Variants in MORC4 observed in about 807,000 individuals in gnomAD.
The protein encoded by MORC4 is MORC family CW-type zinc finger protein 4.
In MORC4, 22 loss-of-function variants were observed where a neutral mutation model predicts 65.5. The ratio of observed to expected loss-of-function variants is 0.34; its 90% CI spans 0.24 to 0.48. MORC4 has a LOEUF of 0.48. Among genes scored for constraint, MORC4 ranks in the 20% least tolerant of loss-of-function variants. The pLI is 0.99. For synonymous variants in MORC4, 267 were observed against 255.8 expected (o/e 1.04, Z -0.42); for missense variants, 624 against 703.0 (o/e 0.89, Z 1.27).
chrX:106,981,061 T>C (rs1454751843), intron 6 of MORC4, 42 bp from the exon 7 acceptor site: 1 of 1,187,949 alleles, frequency 8.4e-7, no homozygotes, highest in East Asian at 3.0e-5. Flanking sequence ...TATGTGATAT[T>C]GCCAATTCTG....
intron 14 of MORC4, among the ~76,000 whole-genome samples, chrX:106,947,571 T>TTATATATATATATATATATATATAATA (rs764069844): frequency 1.3e-5 from 1 of 77,956 alleles, no homozygotes; most frequent in African/African-American, 5.2e-5. Context: ...TATATATATA[T>TTATATATATATATATATATATATAATA]TATATATATA....
intron 9 of MORC4, among the ~76,000 whole-genome samples, chrX:106,972,987 A>G (rs1464914636): frequency 8.9e-6 from 1 of 112,467 alleles, no homozygotes; most frequent in East Asian, 2.8e-4. Flanking sequence ...AAAGGGATGG[A>G]GAGAATCCTG....
chrX:106,970,128 C>T (rs1419621873), intron 9 of MORC4, among the ~76,000 whole-genome samples: 4 of 111,954 alleles, frequency 3.6e-5, no homozygotes. Flanking sequence ...GCTTATCCTC[C>T]ACAATCAAGT....
At chrX:106,988,259 T>C (rs1934912342) in intron 3 of MORC4, among the ~76,000 whole-genome samples, 1 of 111,744 alleles carries the variant, frequency 8.9e-6, no homozygotes, top group Non-Finnish European at 1.9e-5. Context: ...AATTAGGTGA[T>C]CAAGGGAAAG....
At chrX:106,950,583 G>T (rs754247662) in intron 14 of MORC4, among the ~76,000 whole-genome samples, 1 of 112,198 alleles carries the variant, frequency 8.9e-6, no homozygotes, top group Non-Finnish European at 1.9e-5. Flanking sequence ...GGAACAATAG[G>T]GGCATGGTAT....
chrX:106,964,785 G>A (rs186945571), intron 9 of MORC4, among the ~76,000 whole-genome samples: 113 of 111,992 alleles, frequency 1.0e-3, no homozygotes, highest in African/African-American at 3.6e-3. Flanking sequence ...TGAGGCAGGT[G>A]GATCACCTGA....
At chrX:106,997,569 C>T (rs1935103935) in intron 2 of MORC4, among the ~76,000 whole-genome samples, 1 of 112,151 alleles carries the variant, frequency 8.9e-6, no homozygotes, top group African/African-American at 3.2e-5. Context: ...ATATATGTAA[C>T]CTTGGAAAAG....
intron 3 of MORC4, 56 bp downstream of exon 3, chrX:106,993,174 C>A (rs1935011448): frequency 9.0e-7 from 1 of 1,110,759 alleles, no homozygotes; most frequent in East Asian, 3.0e-5. Context: ...AATTATGAAG[C>A]CTTAAATAGG....
At chrX:106,978,277 C>T (rs750922210) in intron 7 of MORC4, 78 bp from the exon 8 acceptor site, 12 of 991,572 alleles carry the variant, frequency 1.2e-5, no homozygotes, top group Non-Finnish European at 1.6e-5. Flanking sequence ...ATAGCAAAAA[C>T]CATCAAATAC....
intron 10 of MORC4, among the ~76,000 whole-genome samples, chrX:106,959,333 G>A (rs1025113928): frequency 9.0e-6 from 1 of 111,037 alleles, no homozygotes; most frequent in Non-Finnish European, 1.9e-5. Context: ...GAATGAAGGC[G>A]GCTGGAGAAA....
chrX:106,972,729 G>A (rs1373011367), intron 9 of MORC4, among the ~76,000 whole-genome samples: 2 of 111,519 alleles, frequency 1.8e-5, no homozygotes, highest in African/African-American at 3.3e-5. Flanking sequence ...ACCTGAGGTC[G>A]GGAGTTCAAG....
chrX:106,961,032 TTGTC>T (rs1387435515), intron 10 of MORC4, among the ~76,000 whole-genome samples: 20 of 112,013 alleles, frequency 1.8e-4, no homozygotes, highest in Middle Eastern at 4.6e-3. Context: ...CTTACCTGAC[TTGTC>T]TGTCTTAGAG....
rs1415420123 is a variant in MORC4 at position 106,956,550 on chromosome X, AG to A, written c.1455-17del. 4 of 1,158,460 alleles carry A rather than the reference AG, an allele frequency of 3.5e-6. No homozygotes were observed. The highest frequency in any genetic ancestry group is 4.7e-6 in the Non-Finnish European group (4 of 848,538). On this transcript the variant is annotated splice_polypyrimidine_tract_variant and intron_variant, in intron 12 of 16. Coordinates refer to ENST00000355610, the MANE Select transcript of MORC4 (RefSeq NM_024657.5). ...AGTTTGTTCTCTAGGAGAAGATAAA[AG>A]TGCTATTTAGTTCACTCATGAAACT...
intron 3 of MORC4, among the ~76,000 whole-genome samples, chrX:106,991,434 C>T (rs1332818802): frequency 8.9e-6 from 1 of 112,407 alleles, no homozygotes; most frequent in Non-Finnish European, 1.9e-5. Context: ...GAATCTGGAA[C>T]AAAAATTGTG....
At chrX:106,990,289 C>T (rs1454227756) in intron 3 of MORC4, among the ~76,000 whole-genome samples, 1 of 109,922 alleles carries the variant, frequency 9.1e-6, no homozygotes, top group Non-Finnish European at 1.9e-5. Context: ...CAAGGTCTCC[C>T]TCTGTTGCCC....
rs1198832145 is a variant in MORC4, at chrX:107,000,024, C to G, written c.-55G>C. On this transcript the variant is annotated 5_prime_UTR_variant, in exon 1 of 17. Transcript: ENST00000355610. ...GCCGCCGGACCCCTGGCCCGGCGGT[C>G]CGGGACTAGCCCTCGCTCACTTCCA... The G allele has an allele frequency of 7.7e-6, 4 of 521,158 alleles. No homozygotes were observed. The allele number at this position is 521,158 out of a possible 1,213,427, so 42.9% of individuals were successfully genotyped here.
intron 14 of MORC4, among the ~76,000 whole-genome samples, chrX:106,948,307 C>A (rs1933898222): frequency 9.0e-6 from 1 of 111,388 alleles, no homozygotes; most frequent in South Asian, 3.8e-4. Flanking sequence ...TTCCTTACTC[C>A]AATGTAACTT....
chrX:106,948,047 G>A (rs1301345741), intron 14 of MORC4, among the ~76,000 whole-genome samples: 1 of 110,871 alleles, frequency 9.0e-6, no homozygotes, highest in South Asian at 3.8e-4. Context: ...CAAGTGTCAC[G>A]CCTTCTTTGT....
chrX:106,978,129 T>C lies in MORC4; in HGVS notation c.1007A>G (p.His336Arg). Residue 336 changes from histidine to arginine, a missense_variant, in exon 8 of 17, where the codon CAT becomes CGT. Coordinates refer to ENST00000355610, the MANE Select transcript of MORC4 (RefSeq NM_024657.5). ...NSNQFGIMMY[H>R]NNRLIKSFEK... The stretch of plus-strand genomic sequence containing the variant: ...AAAAGATTTTATGAGTCGGTTGTTA[T>C]GATACATCATTATTCCAAACTGGTT... The C allele has an allele frequency of 1.7e-6, 2 of 1,208,518 alleles. No individual in the cohort carries two copies. Among genetic ancestry groups the C allele is most frequent in the Non-Finnish European group, 2.2e-6 (2 of 892,836 alleles).
Sources: allele counts gnomAD v4.1 joint callset (sites outside exome capture counted in the v4.1 genomes callset), GRCh38; gene constraint gnomAD v4.1.1; transcripts MANE v1.5; gene names NCBI Gene and HGNC (gene_info 2026-07-23, HGNC 2026-07-21).